The following CSMD1 variants were observed in gnomAD, a reference collection of about 807,000 sequenced individuals.
The protein encoded by CSMD1 is CUB and sushi domain-containing protein 1.
Under a neutral mutation model 417.5 loss-of-function variants are expected in CSMD1, and 213 were observed. That is an observed-to-expected ratio of 0.51 (90% CI 0.46 to 0.57). The LOEUF (loss-of-function observed/expected upper bound fraction) is 0.57. Ranked by LOEUF, CSMD1 falls within the 20% of genes least tolerant of loss-of-function variation. The probability of loss-of-function intolerance (pLI) is 0.00; values close to 1 mark genes in which losing one functional copy is unlikely to be tolerated. For missense variants in CSMD1, 6,923 were observed against 4,529.7 expected, an observed-to-expected ratio of 1.53 and a Z score of -15.17; for synonymous variants, 2,862 against 1,736.8, an observed-to-expected ratio of 1.65 and a Z score of -16.11.
chr8:4,442,084 G>C (rs76697494), intron 2 of CSMD1, among the ~76,000 whole-genome samples: 5 of 152,090 alleles, frequency 3.3e-5, no homozygotes, highest in African/African-American at 4.8e-5. Flanking sequence ...AGTTTGAGTT[G>C]TAGAAACACG....
At chr8:3,697,137 G>C (rs1488529662) in intron 7 of CSMD1, among the ~76,000 whole-genome samples, 1 of 152,140 alleles carries the variant, frequency 6.6e-6, no homozygotes, top group African/African-American at 2.4e-5. Flanking sequence ...TCATCATTCA[G>C]TCTAAATTGG....
rs371781699 is a variant in CSMD1, at chr8:4,952,793, G to C, written c.85+41539C>G. Among the ~76,000 whole-genome samples, 91 of 152,124 alleles carry C rather than the reference G, an allele frequency of 6.0e-4. 2 individuals carry two copies. The East Asian group carries it at 7.7e-3, about 13-fold the overall frequency. On this transcript the variant is annotated intron_variant, in intron 1 of 69. Transcript: ENST00000635120. ...TTCAATTTATAGCTTACATCCTAAT[G>C]AAACAATACTTCTACACAGTAATCA... is the stretch of plus-strand genomic sequence containing the variant.
At chr8:4,867,221 G>A (rs1802468345) in intron 1 of CSMD1, among the ~76,000 whole-genome samples, 2 of 152,036 alleles carry the variant, frequency 1.3e-5, no homozygotes, top group African/African-American at 4.8e-5. Flanking sequence ...GCCAAGCTAA[G>A]AAAGCTGGAG....
rs1247834048 is a variant in CSMD1 at position 3,796,306 on chromosome 8, T to C, written c.819-42264A>G. Reference sequence around the variant, plus strand: ...CATGTATAGATATATCTATCATGTATAGATATAGATATCTATCATGTATAG... The same window carrying C: ...CATGTATAGATATATCTATCATGTACAGATATAGATATCTATCATGTATAG... On this transcript the variant is annotated intron_variant, in intron 5 of 69. Transcript: ENST00000635120. Among the ~76,000 whole-genome samples the C allele has an allele frequency of 5.1e-5, 5 of 98,320 alleles. 1 individual carries two copies. The highest frequency in any genetic ancestry group is 8.3e-5 in the Non-Finnish European group (4 of 48,420). 64.5% of individuals were successfully genotyped at this position (98,320 alleles called of 152,430 possible).
chr8:3,179,240 C>T (rs539376617), intron 37 of CSMD1, among the ~76,000 whole-genome samples: 13 of 152,122 alleles, frequency 8.5e-5, no homozygotes, highest in Admixed American at 1.3e-4. Context: ...CCACCGCGCC[C>T]AGCCTATAAT....
chr8:3,382,668 G>A (rs1034033666), intron 18 of CSMD1, among the ~76,000 whole-genome samples: 1 of 148,862 alleles, frequency 6.7e-6, no homozygotes. Flanking sequence ...AAATGTATCT[G>A]CATAGCTCAT....
chr8:4,283,702 C>T (rs1796911279), intron 3 of CSMD1, among the ~76,000 whole-genome samples: 2 of 152,126 alleles, frequency 1.3e-5, no homozygotes, highest in African/African-American at 4.8e-5. Context: ...TTGAGAAGCA[C>T]ACACTTTTTA....
chr8:3,506,556 C>A (rs1408549369), intron 10 of CSMD1, among the ~76,000 whole-genome samples: 1 of 152,190 alleles, frequency 6.6e-6, no homozygotes, highest in African/African-American at 2.4e-5. Context: ...CATTCATTCC[C>A]TCATCTTTCA....
intron 5 of CSMD1, among the ~76,000 whole-genome samples, chr8:3,789,216 T>G (rs907007110): frequency 6.6e-6 from 1 of 152,068 alleles, no homozygotes; most frequent in African/African-American, 2.4e-5. Flanking sequence ...ATGAGCAAGA[T>G]AGTGGGCCCT....
intron 7 of CSMD1, among the ~76,000 whole-genome samples, chr8:3,643,731 C>T (rs1168938202): frequency 1.5e-5 from 2 of 136,090 alleles, no homozygotes; most frequent in Non-Finnish European, 1.6e-5. Flanking sequence ...AAGGAAATGC[C>T]TCCTCTGCCT....
intron 26 of CSMD1, among the ~76,000 whole-genome samples, chr8:3,262,976 G>A (rs1801187784): frequency 6.6e-6 from 1 of 152,158 alleles, no homozygotes; most frequent in African/African-American, 2.4e-5. Context: ...TATTCAAGAA[G>A]TATTATGGAC....
intron 7 of CSMD1, among the ~76,000 whole-genome samples, chr8:3,639,081 T>A (rs144432889): frequency 6.6e-6 from 1 of 152,322 alleles, no homozygotes; most frequent in East Asian, 1.9e-4. Context: ...TACTCTCAAC[T>A]TCCACAAATT....
chr8:3,415,337 G>A (rs147129234), intron 12 of CSMD1, among the ~76,000 whole-genome samples: 197 of 152,210 alleles, frequency 1.3e-3, no homozygotes, highest in Non-Finnish European at 2.3e-3. Context: ...TTGTATAAGA[G>A]ATCCCTTGAA....
intron 1 of CSMD1, among the ~76,000 whole-genome samples, chr8:4,708,022 C>G (rs1274652244): frequency 6.6e-6 from 1 of 152,000 alleles, no homozygotes; most frequent in Non-Finnish European, 1.5e-5. Flanking sequence ...TAGCTCACTG[C>G]AGCCTCAAAC....
At chr8:3,299,263 C>G (rs1265512501) in intron 25 of CSMD1, among the ~76,000 whole-genome samples, 1 of 151,986 alleles carries the variant, frequency 6.6e-6, no homozygotes, top group African/African-American at 2.4e-5. Flanking sequence ...ACCAGCCTGG[C>G]CAATATGGGG....
chr8:4,747,333 G>A (rs990397561), intron 1 of CSMD1, among the ~76,000 whole-genome samples: 1 of 152,088 alleles, frequency 6.6e-6, no homozygotes, highest in Non-Finnish European at 1.5e-5. Flanking sequence ...TAAATATGAA[G>A]AATTTGCTAT....
In CSMD1 at chr8:4,527,376, T is replaced by C. The variant is rs548122810; in HGVS notation, c.303-107311A>G. On this transcript the variant is annotated intron_variant, in intron 2 of 69. Coordinates refer to ENST00000635120, the MANE Select transcript of CSMD1 (RefSeq NM_033225.6). ...AAATCTCACCAGAAAGTAAAATTTG[T>C]TTTTATACGGTCATTTTATACCTTT... Among the ~76,000 whole-genome samples, 6 of 152,324 alleles carry C rather than the reference T, an allele frequency of 3.9e-5. No homozygotes were observed. In the East Asian group the frequency reaches 9.6e-4, roughly 24 times the overall value.
intron 5 of CSMD1, 25 bp from the exon 6 acceptor site, chr8:3,754,067 A>C: frequency 6.6e-7 from 1 of 1,524,726 alleles, no homozygotes; most frequent in Non-Finnish European, 9.1e-7. Flanking sequence ...GAGGAAAAAA[A>C]TCTCCCTTGT....
At chr8:3,954,800 T>C (rs981815579) in intron 5 of CSMD1, among the ~76,000 whole-genome samples, 2 of 151,776 alleles carry the variant, frequency 1.3e-5, no homozygotes, top group Non-Finnish European at 2.9e-5. Flanking sequence ...ACGCAGAGCC[T>C]CCTTGCCCCT....
Sources: gnomAD v4.1 joint callset for allele counts (sites outside exome capture counted in the v4.1 genomes callset) on GRCh38, gnomAD v4.1.1 for gene constraint, MANE v1.5 for transcripts, NCBI Gene and HGNC (gene_info 2026-07-23, HGNC 2026-07-21) for gene names.